The following CPPED1 variants were observed in gnomAD, a reference collection of about 807,000 sequenced individuals.
CPPED1 encodes the protein calcineurin like phosphoesterase domain containing 1, also known as serine/threonine-protein phosphatase CPPED1.
In CPPED1, 28 loss-of-function variants were observed where a neutral mutation model predicts 28.0. That is an observed-to-expected ratio of 1.00 (90% confidence interval 0.74 to 1.37). The LOEUF (loss-of-function observed/expected upper bound fraction) is 1.37, where lower values mean the gene tolerates loss of function less well. Among genes scored for constraint, CPPED1 ranks in the 40% most tolerant of loss-of-function variants. The pLI is 0.00. For missense variants in CPPED1, 504 were observed against 416.5 expected, an observed-to-expected ratio of 1.21 and a Z score of -1.83; for synonymous variants, 198 against 180.2, an observed-to-expected ratio of 1.10 and a Z score of -0.79.
rs1002613789 is a variant in CPPED1, at chr16:12,668,984, T to C, written c.716-3869A>G. On this transcript the variant is annotated intron_variant, in intron 3 of 3. Coordinates refer to ENST00000381774, the MANE Select transcript of CPPED1 (RefSeq NM_018340.3). ...GTGATATTTCACTCCTAAGTATGTA[T>C]CTAGGAGAAATGAAAACATTTGCCC... is the stretch of plus-strand genomic sequence containing the variant. Among the ~76,000 whole-genome samples the C allele has an allele frequency of 3.3e-5, 5 of 152,242 alleles. No homozygotes were observed. The South Asian group carries it at 8.3e-4, about 25-fold the overall frequency.
intron 1 of CPPED1, among the ~76,000 whole-genome samples, chr16:12,803,259 G>T (rs1253055046): frequency 6.6e-6 from 1 of 152,198 alleles, no homozygotes; most frequent in Non-Finnish European, 1.5e-5. Flanking sequence ...ATGGAGTACA[G>T]AATACATAAC....
rs181295167 is a variant in CPPED1, at chr16:12,663,697, A to G, written c.*1189T>C. Reference sequence around the variant, plus strand: ...TAATAGACTTTGCAGGTCATGTGTAACCAGCTTTGGAAATCATTTTAGGAT... The same window carrying G: ...TAATAGACTTTGCAGGTCATGTGTAGCCAGCTTTGGAAATCATTTTAGGAT... On this transcript the variant is annotated 3_prime_UTR_variant, in exon 4 of 4. Coordinates refer to ENST00000381774, the MANE Select transcript of CPPED1 (RefSeq NM_018340.3). 9 of 152,292 alleles carry G rather than the reference A, an allele frequency of 5.9e-5. No homozygotes were observed. Among genetic ancestry groups the G allele is most frequent in the Non-Finnish European group, 1.3e-4 (9 of 68,030 alleles). 9.4% of individuals were successfully genotyped at this position (152,292 alleles called of 1,614,324 possible).
chr16:12,798,116 T>G (rs1308672038), intron 1 of CPPED1, among the ~76,000 whole-genome samples: 1 of 152,086 alleles, frequency 6.6e-6, no homozygotes, highest in Non-Finnish European at 1.5e-5. Flanking sequence ...AATAAATAAA[T>G]TTTTGAAAAT....
At chr16:12,723,996 C>T (rs540543554) in intron 2 of CPPED1, among the ~76,000 whole-genome samples, 1 of 152,300 alleles carries the variant, frequency 6.6e-6, no homozygotes, top group East Asian at 1.9e-4. Flanking sequence ...ACTTCCCAAA[C>T]GTCTCTCAAG....
rs1435354545 is a variant in CPPED1 at position 12,663,699 on chromosome 16, C to G, written c.*1187G>C. 6.6e-6 allele frequency: 1 copy of G among 152,038 alleles called. No individual in the cohort carries two copies. Among genetic ancestry groups the G allele is most frequent in the Non-Finnish European group, 1.5e-5 (1 of 68,020 alleles). 9.4% of individuals were successfully genotyped at this position (152,038 alleles called of 1,614,324 possible). Reference sequence around the variant, plus strand: ...ATAGACTTTGCAGGTCATGTGTAACCAGCTTTGGAAATCATTTTAGGATTA... The same window carrying G: ...ATAGACTTTGCAGGTCATGTGTAACGAGCTTTGGAAATCATTTTAGGATTA... On this transcript the variant is annotated 3_prime_UTR_variant, in exon 4 of 4. Transcript: ENST00000381774.
chr16:12,698,992 A>G (rs1297791977), intron 3 of CPPED1, among the ~76,000 whole-genome samples: 1 of 152,208 alleles, frequency 6.6e-6, no homozygotes, highest in Non-Finnish European at 1.5e-5. Flanking sequence ...TGGTCAGTTA[A>G]AGATCTAGCT....
chr16:12,723,193 T>A (rs1043900572), intron 2 of CPPED1, among the ~76,000 whole-genome samples: 2 of 152,190 alleles, frequency 1.3e-5, no homozygotes, highest in Non-Finnish European at 2.9e-5. Context: ...CAGGGTGTCA[T>A]TCCTTTGTCT....
At chr16:12,695,368 G>A (rs536580170) in intron 3 of CPPED1, among the ~76,000 whole-genome samples, 4 of 152,028 alleles carry the variant, frequency 2.6e-5, no homozygotes, top group African/African-American at 7.3e-5. Context: ...GGGCTCAAGC[G>A]ATCCTCCCAC....
chr16:12,799,992 A>C (rs1322224192), intron 1 of CPPED1, among the ~76,000 whole-genome samples: 1 of 152,112 alleles, frequency 6.6e-6, no homozygotes, highest in Non-Finnish European at 1.5e-5. Context: ...CCCCATTCTT[A>C]TCCAGGGGAG....
intron 1 of CPPED1, among the ~76,000 whole-genome samples, chr16:12,802,002 G>A (rs1274976526): frequency 2.0e-5 from 3 of 152,138 alleles, no homozygotes; most frequent in African/African-American, 7.2e-5. Context: ...CAACCCCACA[G>A]AGTAAACTGC....
chr16:12,790,821 C>G (rs552009672), intron 1 of CPPED1, among the ~76,000 whole-genome samples: 8 of 147,490 alleles, frequency 5.4e-5, no homozygotes, highest in African/African-American at 2.0e-4. Context: ...CCCAGCAACT[C>G]GGGAGGCTGA....
At chr16:12,703,305 G>A (rs556202307) in intron 3 of CPPED1, among the ~76,000 whole-genome samples, 5 of 152,272 alleles carry the variant, frequency 3.3e-5, no homozygotes, top group South Asian at 4.2e-4. Context: ...AAAATGTTCC[G>A]CTGGGTGGGG....
At chr16:12,733,516 C>T (rs1395537772) in intron 2 of CPPED1, among the ~76,000 whole-genome samples, 1 of 152,164 alleles carries the variant, frequency 6.6e-6, no homozygotes, top group Non-Finnish European at 1.5e-5. Context: ...CTCAGGTGAT[C>T]CGCCCGCCTT....
intron 1 of CPPED1, among the ~76,000 whole-genome samples, chr16:12,783,702 T>G (rs1252981878): frequency 6.6e-6 from 1 of 152,034 alleles, no homozygotes; most frequent in Non-Finnish European, 1.5e-5. Flanking sequence ...TTTCCCTTCT[T>G]AATTCCTTTT....
intron 2 of CPPED1, among the ~76,000 whole-genome samples, chr16:12,738,455 CTGCT>C (rs1286227591): frequency 6.6e-6 from 1 of 151,882 alleles, no homozygotes; most frequent in African/African-American, 2.4e-5. Context: ...ACACACACAC[CTGCT>C]TATTATTAAA....
intron 1 of CPPED1, among the ~76,000 whole-genome samples, chr16:12,795,691 G>A (rs886958430): frequency 2.0e-5 from 3 of 152,156 alleles, no homozygotes; most frequent in Non-Finnish European, 4.4e-5. Flanking sequence ...TGTTTAGTCC[G>A]GAGACTCCAT....
At chr16:12,708,349 C>T (rs949127037) in intron 2 of CPPED1, among the ~76,000 whole-genome samples, 2 of 151,976 alleles carry the variant, frequency 1.3e-5, no homozygotes, top group Non-Finnish European at 1.5e-5. Context: ...TTGGTTTCAT[C>T]GTGTATGAAA....
At chr16:12,688,104 ACTGCAG>A (rs141748877) in intron 3 of CPPED1, among the ~76,000 whole-genome samples, 2,460 of 150,348 alleles carry the variant, frequency 0.016, 72 homozygotes, top group African/African-American at 0.057. Context: ...ATCATGGTTT[ACTGCAG>A]CCTCGACCAC....
chr16:12,769,599 T>C (rs1049196465), intron 2 of CPPED1, among the ~76,000 whole-genome samples: 13 of 152,194 alleles, frequency 8.5e-5, no homozygotes, highest in African/African-American at 2.9e-4. Flanking sequence ...CAACCACTTT[T>C]AATCAGCCTC....
Sources: allele counts gnomAD v4.1 joint callset (sites outside exome capture counted in the v4.1 genomes callset), GRCh38; gene constraint gnomAD v4.1.1; transcripts MANE v1.5; gene names NCBI Gene and HGNC (gene_info 2026-07-23, HGNC 2026-07-21).